Variants in ADGRB3 observed in about 807,000 individuals in gnomAD.
ADGRB3 encodes brain-specific angiogenesis inhibitor 3.
ADGRB3 carries 37 observed loss-of-function variants against 193.4 expected under a neutral mutation model. The observed-to-expected ratio is 0.19, with a 90% CI of 0.15 to 0.25. The LOEUF (loss-of-function observed/expected upper bound fraction) is 0.25. Among genes scored for constraint, ADGRB3 ranks in the 10% least tolerant of loss-of-function variants. ADGRB3 has a pLI of 1.00. For missense variants in ADGRB3, 1,637 were observed against 1,852.9 expected (o/e 0.88, Z 2.14); for synonymous variants, 690 against 644.2 (o/e 1.07, Z -1.08).
intron 17 of ADGRB3, among the ~76,000 whole-genome samples, chr6:69,196,369 C>T (rs922861619): frequency 1.2e-4 from 18 of 152,060 alleles, no homozygotes; most frequent in African/African-American, 3.4e-4. Context: ...CAAAGTACCA[C>T]GGTTTGCATG....
intron 17 of ADGRB3, among the ~76,000 whole-genome samples, chr6:69,209,107 C>T (rs1460995213): frequency 1.3e-5 from 2 of 152,200 alleles, no homozygotes; most frequent in Admixed American, 6.5e-5. Context: ...ACATCTCAAG[C>T]ACCATTGGAT....
At chr6:68,904,141 G>T (rs1251066032) in intron 3 of ADGRB3, among the ~76,000 whole-genome samples, 2 of 141,218 alleles carry the variant, frequency 1.4e-5, no homozygotes, top group Admixed American at 7.1e-5. Flanking sequence ...AAGGAAGGAA[G>T]GGTGAAAGGG....
At chr6:68,837,452 C>T (rs945665410) in intron 3 of ADGRB3, among the ~76,000 whole-genome samples, 3 of 151,994 alleles carry the variant, frequency 2.0e-5, no homozygotes, top group African/African-American at 7.3e-5. Flanking sequence ...GTTCAAATAT[C>T]TTTATAGATA....
Position 68,926,456 on chromosome 6 carries a change from G to A in ADGRB3, c.758-4103G>A, listed in dbSNP as rs78093852. 9.6e-4 allele frequency among the ~76,000 whole-genome samples: 146 copies of A among 152,204 alleles called. 1 individual carries two copies. Among genetic ancestry groups the A allele is most frequent in the African/African-American group, 3.4e-3 (142 of 41,548 alleles). ...ATCACTAGAAAAGCAGGTGTTTTAA[G>A]TTTAGGAAAATGTAAGAAACGGTGC... On this transcript the variant is annotated intron_variant, in intron 3 of 31. Coordinates refer to ENST00000370598, the MANE Select transcript of ADGRB3 (RefSeq NM_001704.3).
chr6:69,120,999 CTTTT>C (rs36095516), intron 17 of ADGRB3, among the ~76,000 whole-genome samples: 1 of 123,564 alleles, frequency 8.1e-6, no homozygotes, highest in Non-Finnish European at 1.7e-5. Context: ...ATGCAGTTAT[CTTTT>C]TTTTTTTTTT....
At chr6:69,211,672 T>C (rs1030615981) in intron 17 of ADGRB3, among the ~76,000 whole-genome samples, 1 of 152,300 alleles carries the variant, frequency 6.6e-6, no homozygotes, top group Non-Finnish European at 1.5e-5. Flanking sequence ...TATATTATCA[T>C]CTTCTTCTCA....
intron 3 of ADGRB3, among the ~76,000 whole-genome samples, chr6:68,873,421 G>A (rs529033993): frequency 4.1e-4 from 63 of 152,202 alleles, no homozygotes; most frequent in Non-Finnish European, 8.2e-4. Flanking sequence ...TCCCCTGGAT[G>A]TAATGCCATT....
chr6:68,875,040 C>CTCCT lies in ADGRB3; in HGVS notation c.758-55501_758-55498dup, dbSNP rs72049013. 1.3e-3 allele frequency among the ~76,000 whole-genome samples: 174 copies of CTCCT among 132,854 alleles called. 6 individuals carry two copies. The highest frequency in any genetic ancestry group is 6.6e-3 in the East Asian group (32 of 4,882). The allele number at this position is 132,854 out of a possible 152,430, so 87.2% of individuals were successfully genotyped here. On this transcript the variant is annotated intron_variant, in intron 3 of 31. Transcript: ENST00000370598. ...AGCATTTACTTTCTTTCTTTCTTTC[C>CTCCT]TCCTTCCTTCCTTCCTTCCTTTCTT...
chr6:68,906,193 T>C (rs1766540403), intron 3 of ADGRB3, among the ~76,000 whole-genome samples: 1 of 151,918 alleles, frequency 6.6e-6, no homozygotes. Context: ...ATTTCATTAT[T>C]AGTAGTTGTT....
At chr6:69,318,097 G>A (rs1224928471) in intron 20 of ADGRB3, among the ~76,000 whole-genome samples, 1 of 151,114 alleles carries the variant, frequency 6.6e-6, no homozygotes, top group Non-Finnish European at 1.5e-5. Context: ...TTGTTTTCGT[G>A]AGAAACTCTT....
At chr6:68,796,373 T>C (rs1767208148) in intron 3 of ADGRB3, among the ~76,000 whole-genome samples, 1 of 152,148 alleles carries the variant, frequency 6.6e-6, no homozygotes, top group South Asian at 2.1e-4. Flanking sequence ...CTAAACCCTC[T>C]TCTACCTAAC....
chr6:68,761,238 G>A (rs1227772581), intron 3 of ADGRB3, among the ~76,000 whole-genome samples: 3 of 152,100 alleles, frequency 2.0e-5, no homozygotes, highest in African/African-American at 7.2e-5. Context: ...AAGGAGAGAG[G>A]GAGAAATAAT....
chr6:68,843,919 G>C (rs1180045164), intron 3 of ADGRB3, among the ~76,000 whole-genome samples: 1 of 152,072 alleles, frequency 6.6e-6, no homozygotes, highest in African/African-American at 2.4e-5. Flanking sequence ...ATGTACATTG[G>C]GGAAAAACTA....
At chr6:69,226,057 CA>C (rs1019983965) in intron 17 of ADGRB3, among the ~76,000 whole-genome samples, 1 of 151,890 alleles carries the variant, frequency 6.6e-6, no homozygotes, top group Non-Finnish European at 1.5e-5. Context: ...AAAACAACAA[CA>C]AAAAAAGATG....
chr6:68,707,110 C>CAA (rs11349240), intron 3 of ADGRB3, among the ~76,000 whole-genome samples: 8 of 90,500 alleles, frequency 8.8e-5, no homozygotes, highest in African/African-American at 2.1e-4. Flanking sequence ...GACTCCATCT[C>CAA]AAAAAAAAAA....
chr6:69,254,197 A>G (rs1301371960), intron 20 of ADGRB3, among the ~76,000 whole-genome samples: 1 of 152,216 alleles, frequency 6.6e-6, no homozygotes, highest in Non-Finnish European at 1.5e-5. Flanking sequence ...AATTTCACTG[A>G]TTAGATTTTT....
chr6:69,377,968 A>G (rs925154358), intron 30 of ADGRB3, among the ~76,000 whole-genome samples: 1 of 152,002 alleles, frequency 6.6e-6, no homozygotes, highest in African/African-American at 2.4e-5. Context: ...CCTCTTTTAT[A>G]GAAGAAGAGG....
At chr6:69,195,408 C>T (rs1231200519) in intron 17 of ADGRB3, among the ~76,000 whole-genome samples, 1 of 151,408 alleles carries the variant, frequency 6.6e-6, no homozygotes, top group Non-Finnish European at 1.5e-5. Context: ...CACTGTAGTC[C>T]CAGATACTTG....
rs201194938 is a variant in ADGRB3, at chr6:69,048,225, A to G, written c.2148A>G (p.Thr716=). ...AGCTTCCTGCAGCCTCTGTTCTAAC[A>G]GACATCAACTTTCCAATGAAAGGAC... ...IQKLPAASVL[T]DINFPMKGRK... The change falls in exon 14 of 32, where the codon ACA becomes ACG. Residue 716 remains threonine (T), a synonymous_variant. Coordinates refer to ENST00000370598, the MANE Select transcript of ADGRB3 (RefSeq NM_001704.3). The G allele has an allele frequency of 1.3e-5, 21 of 1,613,692 alleles. No homozygotes were observed. The highest frequency in any genetic ancestry group is 2.5e-6 in the Non-Finnish European group (3 of 1,179,718).
Sources: gnomAD v4.1 joint callset for allele counts (sites outside exome capture counted in the v4.1 genomes callset) on GRCh38, gnomAD v4.1.1 for gene constraint, MANE v1.5 for transcripts, NCBI Gene and HGNC (gene_info 2026-07-23, HGNC 2026-07-21) for gene names.